The following KLF12 variants were observed in gnomAD, a reference collection of about 807,000 sequenced individuals.
The protein encoded by KLF12 is Krueppel-like factor 12.
A neutral mutation model predicts 37.8 loss-of-function variants in KLF12; 9 were observed. That is an observed-to-expected ratio of 0.24 (90% CI 0.14 to 0.42). KLF12 has a LOEUF of 0.42. Among genes scored for constraint, KLF12 ranks in the 10% least tolerant of loss-of-function variants. KLF12 has a pLI of 1.00. For synonymous variants in KLF12, 208 were observed against 202.1 expected, an observed-to-expected ratio of 1.03 and a Z score of -0.25; for missense variants, 411 against 516.0, an observed-to-expected ratio of 0.80 and a Z score of 1.97.
intron 1 of KLF12, among the ~76,000 whole-genome samples, chr13:74,068,233 T>G (rs1340847627): frequency 6.6e-6 from 1 of 152,252 alleles, no homozygotes; most frequent in Non-Finnish European, 1.5e-5. Context: ...CAGTGTCTAT[T>G]TCTACGAAAA....
intron 5 of KLF12, among the ~76,000 whole-genome samples, chr13:73,786,580 A>T (rs549563123): frequency 6.3e-4 from 96 of 152,128 alleles, no homozygotes; most frequent in Admixed American, 1.9e-3. Flanking sequence ...AATCCTGCCT[A>T]TCTTTCAAAG....
At chr13:73,752,133 C>A (rs984739006) in intron 6 of KLF12, among the ~76,000 whole-genome samples, 1 of 152,110 alleles carries the variant, frequency 6.6e-6, no homozygotes, top group African/African-American at 2.4e-5. Flanking sequence ...CAGGCAAATG[C>A]CACTGCACTC....
rs557990143 is a variant in KLF12, at chr13:73,870,604, G to A, written c.124-24231C>T. 2.7e-3 allele frequency among the ~76,000 whole-genome samples: 409 copies of A among 152,244 alleles called. 2 individuals carry two copies. The highest frequency in any genetic ancestry group is 9.4e-3 in the African/African-American group (391 of 41,536). On this transcript the variant is annotated intron_variant, in intron 3 of 7. Transcript: ENST00000377669. ...CTTAAAGCAATACTTGTGTCCTCAC[G>A]CCTAGACAGTCATTCAGCTTTATGA...
chr13:73,979,850 A>G (rs1461410641), intron 2 of KLF12, among the ~76,000 whole-genome samples: 1 of 152,168 alleles, frequency 6.6e-6, no homozygotes, highest in Non-Finnish European at 1.5e-5. Flanking sequence ...AGAAGAGGTA[A>G]TTATGATAAA....
chr13:74,136,916 T>C (rs1878576132), upstream of KLF12, among the ~76,000 whole-genome samples: 1 of 152,206 alleles, frequency 6.6e-6, no homozygotes, highest in South Asian at 2.1e-4. Context: ...AAAACAGGTT[T>C]AGAAGAGAGA....
At chr13:73,760,690 T>G (rs761889238) in intron 6 of KLF12, among the ~76,000 whole-genome samples, 1 of 152,138 alleles carries the variant, frequency 6.6e-6, no homozygotes, top group Non-Finnish European at 1.5e-5. Context: ...GTTTGTATTA[T>G]GTGACTCCCA....
At chr13:74,210,656 G>T in the KLF12 span, among the ~76,000 whole-genome samples, 1 of 152,052 alleles carries the variant, frequency 6.6e-6, no homozygotes, top group Non-Finnish European at 1.5e-5. Context: ...TCTAAATTAG[G>T]AATTATCTAT....
At chr13:73,824,847 C>T (rs988211598) in intron 4 of KLF12, among the ~76,000 whole-genome samples, 4 of 152,084 alleles carry the variant, frequency 2.6e-5, no homozygotes, top group Non-Finnish European at 5.9e-5. Context: ...GCAGGTGGAT[C>T]ATCTGAGATC....
the KLF12 span, among the ~76,000 whole-genome samples, chr13:74,153,731 C>T: frequency 2.6e-5 from 4 of 152,244 alleles, no homozygotes; most frequent in South Asian, 2.1e-4. Context: ...AGGATTTACC[C>T]GTGAAAGTCA....
intron 5 of KLF12, among the ~76,000 whole-genome samples, chr13:73,795,240 T>G (rs572550090): frequency 6.6e-6 from 1 of 152,296 alleles, no homozygotes; most frequent in Non-Finnish European, 1.5e-5. Context: ...GCTCAATAAA[T>G]GTAAGCTTCT....
chr13:73,945,068 C>T (rs1252004445), intron 2 of KLF12, among the ~76,000 whole-genome samples: 3 of 152,120 alleles, frequency 2.0e-5, no homozygotes, highest in Non-Finnish European at 4.4e-5. Flanking sequence ...AAAAAAAAAT[C>T]AGTTTCTAAA....
chr13:74,024,828 T>C (rs1011120760), intron 1 of KLF12, among the ~76,000 whole-genome samples: 4 of 152,164 alleles, frequency 2.6e-5, no homozygotes, highest in Non-Finnish European at 4.4e-5. Flanking sequence ...ATCTAACAGA[T>C]TTTCACTTAT....
chr13:74,211,972 T>C, the KLF12 span, among the ~76,000 whole-genome samples: 8 of 152,220 alleles, frequency 5.3e-5, no homozygotes, highest in Non-Finnish European at 1.0e-4. Context: ...CTTATAATTA[T>C]GCATTGCTTT....
chr13:74,175,764 G>A, the KLF12 span, among the ~76,000 whole-genome samples: 2 of 152,112 alleles, frequency 1.3e-5, no homozygotes, highest in Non-Finnish European at 2.9e-5. Context: ...GCACCAGAGG[G>A]CTAACATTAG....
At chr13:74,184,378 G>A in the KLF12 span, among the ~76,000 whole-genome samples, 1 of 152,082 alleles carries the variant, frequency 6.6e-6, no homozygotes. Context: ...AGCCAGAAAT[G>A]TGTGTCACCA....
At chr13:73,954,588 C>G (rs938503335) in intron 2 of KLF12, among the ~76,000 whole-genome samples, 1 of 152,070 alleles carries the variant, frequency 6.6e-6, no homozygotes, top group Admixed American at 6.6e-5. Flanking sequence ...TAAGTTGTAG[C>G]AGTTTGCATT....
At chr13:73,845,419 C>T (rs542660172) in intron 4 of KLF12, among the ~76,000 whole-genome samples, 1 of 152,236 alleles carries the variant, frequency 6.6e-6, no homozygotes, top group East Asian at 1.9e-4. Context: ...AACTGAACAA[C>T]TCAACAAAGA....
At chr13:74,131,195 T>C (rs1878244202) in intron 1 of KLF12, among the ~76,000 whole-genome samples, 1 of 152,252 alleles carries the variant, frequency 6.6e-6, no homozygotes, top group Non-Finnish European at 1.5e-5. Flanking sequence ...TTTCATGATA[T>C]ACTGTAACAT....
chr13:74,136,166 C>T (rs1343001240), upstream of KLF12, among the ~76,000 whole-genome samples: 1 of 152,042 alleles, frequency 6.6e-6, no homozygotes, highest in Non-Finnish European at 1.5e-5. Flanking sequence ...GTGAAGTAGC[C>T]TCAGCGGCGG....
Sources: gnomAD v4.1 joint callset for allele counts (sites outside exome capture counted in the v4.1 genomes callset) on GRCh38, gnomAD v4.1.1 for gene constraint, MANE v1.5 for transcripts, NCBI Gene and HGNC (gene_info 2026-07-23, HGNC 2026-07-21) for gene names.